Variants in CACNA2D4 observed in about 807,000 individuals in gnomAD.
CACNA2D4 encodes calcium voltage-gated channel auxiliary subunit alpha2delta 4, also known as voltage-dependent calcium channel subunit alpha-2/delta-4.
A neutral mutation model predicts 163.8 loss-of-function variants in CACNA2D4; 157 were observed. The ratio of observed to expected loss-of-function variants is 0.96; its 90% CI spans 0.84 to 1.09. The LOEUF is 1.09. Among genes scored for constraint, CACNA2D4 ranks in the 50% least tolerant of loss-of-function variants. The pLI is 0.00. For missense variants in CACNA2D4, 1,410 were observed against 1,479.9 expected (o/e 0.95, Z 0.78); for synonymous variants, 598 against 586.9 (o/e 1.02, Z -0.27).
chr12:1,896,210 A>C (rs948535659), intron 6 of CACNA2D4, among the ~76,000 whole-genome samples: 6 of 152,208 alleles, frequency 3.9e-5, no homozygotes, highest in African/African-American at 1.4e-4. Context: ...TCAAAAGCAC[A>C]GGCAACAGAA....
At chr12:1,911,222 C>T (rs921906366) in intron 3 of CACNA2D4, among the ~76,000 whole-genome samples, 2 of 152,002 alleles carry the variant, frequency 1.3e-5, no homozygotes, top group African/African-American at 2.4e-5. Context: ...CAGGGTTTCA[C>T]GTGTTGGCCA....
chr12:1,849,073 C>T (rs1446103016), intron 23 of CACNA2D4, among the ~76,000 whole-genome samples: 1 of 152,174 alleles, frequency 6.6e-6, no homozygotes, highest in Non-Finnish European at 1.5e-5. Flanking sequence ...GTATTTCCTG[C>T]CCCTGTCCTG....
intron 6 of CACNA2D4, among the ~76,000 whole-genome samples, chr12:1,906,822 G>GTCC (rs1866669418): frequency 6.6e-6 from 1 of 152,252 alleles, no homozygotes; most frequent in Non-Finnish European, 1.5e-5. Context: ...ACACAGTGGA[G>GTCC]TCCTCTCGGG....
At chr12:1,848,167 C>T (rs895248526) in intron 23 of CACNA2D4, among the ~76,000 whole-genome samples, 18 of 152,230 alleles carry the variant, frequency 1.2e-4, no homozygotes, top group Admixed American at 7.9e-4. Flanking sequence ...TTTCATCACC[C>T]CGGAAAGAAA....
rs191713334 is a variant in CACNA2D4, at chr12:1,858,768, G to T, written c.1941-124C>A. ...TTTTTGTACCCACGACGAGTGGTGTGCTCCTCATGCCCCCTTCTTTACCTC... is the reference window on the plus strand; with the variant it reads ...TTTTTGTACCCACGACGAGTGGTGTTCTCCTCATGCCCCCTTCTTTACCTC... On this transcript the variant is annotated intron_variant, in intron 19 of 37. Coordinates refer to ENST00000382722, the MANE Select transcript of CACNA2D4 (RefSeq NM_172364.5). The T allele has an allele frequency of 4.2e-4, 261 of 618,778 alleles. No individual in the cohort carries two copies. The East Asian group carries it at 7.7e-3, about 18-fold the overall frequency. The allele number at this position is 618,778 out of a possible 1,614,324, so 38.3% of individuals were successfully genotyped here. A position where few individuals can be genotyped will look rare whatever the true frequency, so the allele number is the denominator to read the frequency against.
At chr12:1,904,867 A>G (rs2159097) in intron 6 of CACNA2D4, among the ~76,000 whole-genome samples, 116,331 of 152,004 alleles carry the variant, frequency 0.77, 44,620 homozygotes, top group East Asian at 0.88. Context: ...ATAGAAAACA[A>G]ATAGCAAAAT....
chr12:1,841,027 T>C (rs1288466511), intron 25 of CACNA2D4, among the ~76,000 whole-genome samples: 1 of 152,244 alleles, frequency 6.6e-6, no homozygotes, highest in Non-Finnish European at 1.5e-5. Flanking sequence ...GACACACACA[T>C]GGCCTCTGGC....
At chr12:1,849,895 T>A (rs907005178) in intron 23 of CACNA2D4, among the ~76,000 whole-genome samples, 1 of 152,256 alleles carries the variant, frequency 6.6e-6, no homozygotes, top group South Asian at 2.1e-4. Context: ...TGGCAGTATA[T>A]AGAGATATTC....
At chr12:1,886,883 G>A in intron 7 of CACNA2D4, 126 bp downstream of exon 7, 1 of 656,500 alleles carries the variant, frequency 1.5e-6, no homozygotes, top group Non-Finnish European at 2.8e-6. Context: ...TCGGGCTAGG[G>A]TTCTACACAC....
rs780216763 is a variant in CACNA2D4, at chr12:1,917,685, C to G, written c.227+562G>C. Among the ~76,000 whole-genome samples the G allele has an allele frequency of 3.9e-5, 6 of 152,166 alleles. No individual in the cohort carries two copies. Among genetic ancestry groups the G allele is most frequent in the Admixed American group, 1.3e-4 (2 of 15,276 alleles). On this transcript the variant is annotated intron_variant, in intron 1 of 37. Transcript: ENST00000382722. This position sits in a 1 kb window ranked among gnomAD's most constrained non-coding sequence, Gnocchi z 4.3. ...CGGTCTTAATGGCCGGCTAGAGAAT[C>G]AAGGTTGGAAGGAGGCAGAAAGGTG...
chr12:1,914,396 T>TG (rs1866908668), intron 2 of CACNA2D4, among the ~76,000 whole-genome samples: 1 of 152,094 alleles, frequency 6.6e-6, no homozygotes, highest in Non-Finnish European at 1.5e-5. Flanking sequence ...TGGACATGGC[T>TG]CGGGGGCTGA....
At chr12:1,912,495 G>T (rs544080905) in intron 3 of CACNA2D4, among the ~76,000 whole-genome samples, 5 of 152,326 alleles carry the variant, frequency 3.3e-5, no homozygotes, top group Admixed American at 3.3e-4. Flanking sequence ...TGCCCGGGTG[G>T]CCCTCAGAGC....
intron 22 of CACNA2D4, among the ~76,000 whole-genome samples, chr12:1,854,264 C>T (rs954535366): frequency 3.3e-5 from 5 of 152,200 alleles, no homozygotes; most frequent in Non-Finnish European, 7.3e-5. Context: ...ATCTGAGGCT[C>T]TTTCCAATTG....
intron 34 of CACNA2D4, chr12:1,797,754 AGGGGCCCT>A (rs1394582625): frequency 1.7e-5 from 10 of 592,884 alleles, no homozygotes; most frequent in Non-Finnish European, 3.0e-5. Flanking sequence ...GGAGCGCCGC[AGGGGCCCT>A]GAGCCTCGGT....
intron 6 of CACNA2D4, among the ~76,000 whole-genome samples, chr12:1,888,780 A>T (rs1014970905): frequency 1.3e-5 from 2 of 152,242 alleles, no homozygotes; most frequent in Non-Finnish European, 2.9e-5. Context: ...GAAAGAGAAA[A>T]GGGAGAGCAT....
Position 1,795,771 on chromosome 12 carries a change from C to A in CACNA2D4, c.3123G>T (p.Val1041=), listed in dbSNP as rs762101975. 6 of 1,604,220 alleles carry A rather than the reference C, an allele frequency of 3.7e-6. No homozygotes were observed. Among genetic ancestry groups the A allele is most frequent in the Non-Finnish European group, 5.1e-6 (6 of 1,171,114 alleles). Residue 1041 remains valine (V), a synonymous_variant, in exon 36 of 38, where the codon GTG becomes GTT. Transcript: ENST00000382722. The part of the protein sequence containing the change: ...VECGPCQKVF[V]VQQIPNSNLL... ...GGTTACTGTTGGGAATCTGCTGCAC[C>A]ACAAATACCCTGCAGCAAAGAAAGG...
intron 35 of CACNA2D4, chr12:1,796,003 A>C (rs1863112630): frequency 1.7e-6 from 1 of 575,082 alleles, no homozygotes; most frequent in Non-Finnish European, 3.1e-6. Flanking sequence ...TTCCTAGCAG[A>C]CTGGAGACAG....
chr12:1,887,143 C>A lies in CACNA2D4; in HGVS notation c.782-74G>T, dbSNP rs1358122063. 5.0e-6 allele frequency: 5 copies of A among 1,003,514 alleles called. No homozygotes were observed. In the African/African-American group the frequency reaches 6.4e-5, roughly 13 times the overall value. The allele number at this position is 1,003,514 out of a possible 1,614,324, so 62.2% of individuals were successfully genotyped here. ...AGATCCCCTGGCTGGGTGTGGACCC[C>A]CAAGATGGCCATGATCCCCAGGGCA... On this transcript the variant is annotated intron_variant, in intron 6 of 37. Transcript: ENST00000382722.
chr12:1,899,005 GATTGTTGCACA>G (rs1471105492), intron 6 of CACNA2D4, among the ~76,000 whole-genome samples: 2 of 152,064 alleles, frequency 1.3e-5, no homozygotes, highest in Admixed American at 1.3e-4. Flanking sequence ...GGATGGTGGT[GATTGTTGCACA>G]ACAATGAGAA....
Sources: allele counts gnomAD v4.1 joint callset (sites outside exome capture counted in the v4.1 genomes callset), GRCh38; gene constraint gnomAD v4.1.1; non-coding constraint Gnocchi (gnomAD v3.1); transcripts MANE v1.5; gene names NCBI Gene and HGNC (gene_info 2026-07-23, HGNC 2026-07-21).